The following ADK variants were observed in gnomAD, a reference collection of about 807,000 sequenced individuals.
ADK encodes the protein N6,N6-dimethyladenosine kinase.
ADK carries 24 observed loss-of-function variants against 44.7 expected under a neutral mutation model. That is an observed-to-expected ratio of 0.54 (90% CI 0.39 to 0.76). The LOEUF is 0.76. ADK is among the 30% of genes least tolerant of loss of function. The pLI is 0.00. For synonymous variants in ADK, 128 were observed against 142.6 expected, an observed-to-expected ratio of 0.90 and a Z score of 0.73; for missense variants, 321 against 425.1, an observed-to-expected ratio of 0.76 and a Z score of 2.15.
chr10:74,380,901 G>A (rs568660311), intron 4 of ADK, among the ~76,000 whole-genome samples: 102 of 152,110 alleles, frequency 6.7e-4, no homozygotes, highest in Middle Eastern at 3.4e-3. Flanking sequence ...AAGTTGTCCC[G>A]CACCCTCACC....
chr10:74,190,405 GAGTATGCCCATA>G (rs1842920195), intron 1 of ADK, among the ~76,000 whole-genome samples: 1 of 152,176 alleles, frequency 6.6e-6, no homozygotes, highest in Non-Finnish European at 1.5e-5. Flanking sequence ...GGTCTTTCTT[GAGTATGCCCATA>G]GGCCTGGGCA....
intron 6 of ADK, among the ~76,000 whole-genome samples, chr10:74,476,748 T>C (rs891716003): frequency 1.4e-4 from 21 of 152,204 alleles, no homozygotes; most frequent in African/African-American, 4.8e-4. Flanking sequence ...TATTTTTAAA[T>C]TAGTATTTGC....
intron 1 of ADK, among the ~76,000 whole-genome samples, chr10:74,184,938 G>A: frequency 6.6e-6 from 1 of 152,244 alleles, no homozygotes; most frequent in Middle Eastern, 3.4e-3. Flanking sequence ...GTGTACAAAT[G>A]TATATTAAAT....
intron 6 of ADK, among the ~76,000 whole-genome samples, chr10:74,512,925 T>C (rs1848402936): frequency 6.6e-6 from 1 of 152,110 alleles, no homozygotes; most frequent in Admixed American, 6.5e-5. Context: ...AATACTGTTT[T>C]TGCTGTGTCC....
intron 7 of ADK, among the ~76,000 whole-genome samples, chr10:74,567,736 T>C (rs1850734995): frequency 6.7e-6 from 1 of 148,154 alleles, no homozygotes; most frequent in South Asian, 2.2e-4. Flanking sequence ...TCTCGCTCTG[T>C]CGCCCAGGCT....
chr10:74,263,472 A>C (rs925727653), intron 3 of ADK, among the ~76,000 whole-genome samples: 1 of 152,202 alleles, frequency 6.6e-6, no homozygotes, highest in Non-Finnish European at 1.5e-5. Flanking sequence ...CTTTATGTAG[A>C]ACAAACTAGC....
At chr10:74,466,824 A>G (rs988336832) in intron 6 of ADK, among the ~76,000 whole-genome samples, 6 of 152,160 alleles carry the variant, frequency 3.9e-5, no homozygotes, top group African/African-American at 9.6e-5. Context: ...CTGAAATGTC[A>G]TGTCTTCCTT....
At chr10:74,293,383 G>A (rs1308565913) in intron 3 of ADK, among the ~76,000 whole-genome samples, 1 of 152,054 alleles carries the variant, frequency 6.6e-6, no homozygotes, top group African/African-American at 2.4e-5. Flanking sequence ...TCTAAGCTGA[G>A]TTGTTCAAAA....
chr10:74,447,930 T>G (rs1465155450), intron 6 of ADK, among the ~76,000 whole-genome samples: 3 of 152,126 alleles, frequency 2.0e-5, no homozygotes, highest in African/African-American at 7.2e-5. Flanking sequence ...TCCCAGCATT[T>G]TGGGAGGCTG....
At chr10:74,656,382 T>C (rs888850830) in intron 9 of ADK, among the ~76,000 whole-genome samples, 1 of 152,200 alleles carries the variant, frequency 6.6e-6, no homozygotes, top group Non-Finnish European at 1.5e-5. Flanking sequence ...GTTTTTGTAT[T>C]TATATTTTGT....
At chr10:74,488,266 C>G (rs1182320646) in intron 6 of ADK, among the ~76,000 whole-genome samples, 1 of 151,666 alleles carries the variant, frequency 6.6e-6, no homozygotes, top group Non-Finnish European at 1.5e-5. Flanking sequence ...AATACTACAT[C>G]ACTGCCACAT....
chr10:74,235,389 G>C (rs1022301829), intron 3 of ADK, among the ~76,000 whole-genome samples: 2 of 152,028 alleles, frequency 1.3e-5, no homozygotes, highest in Non-Finnish European at 2.9e-5. Flanking sequence ...GACTGGAGTT[G>C]AGTGGCATGA....
At chr10:74,361,123 C>G (rs994397307) in intron 4 of ADK, among the ~76,000 whole-genome samples, 4 of 152,176 alleles carry the variant, frequency 2.6e-5, no homozygotes, top group African/African-American at 4.8e-5. Flanking sequence ...CCAGGCTGGT[C>G]TCAAACTCCG....
At chr10:74,528,021 T>G in intron 7 of ADK, 1 of 853,058 alleles carries the variant, frequency 1.2e-6, no homozygotes, top group Non-Finnish European at 2.0e-6. Context: ...TGAGGGAATT[T>G]GTATTCGGCA....
intron 4 of ADK, among the ~76,000 whole-genome samples, chr10:74,340,274 T>A (rs182343074): frequency 1.8e-4 from 27 of 152,274 alleles, no homozygotes; most frequent in African/African-American, 6.5e-4. Context: ...TCTAAAGTAC[T>A]GTGTTTATTG....
chr10:74,419,659 G>A (rs925363094), intron 6 of ADK, among the ~76,000 whole-genome samples: 2 of 152,068 alleles, frequency 1.3e-5, no homozygotes, highest in Admixed American at 6.6e-5. Context: ...ATCTATTTTT[G>A]CTACCCTTGG....
At chr10:74,266,232 A>G (rs1243826150) in intron 3 of ADK, among the ~76,000 whole-genome samples, 1 of 152,186 alleles carries the variant, frequency 6.6e-6, no homozygotes, top group African/African-American at 2.4e-5. Flanking sequence ...GCTTATTTGA[A>G]GTCTCTGGAG....
chr10:74,208,562 T>TG (rs1303193629), intron 2 of ADK, among the ~76,000 whole-genome samples: 1 of 152,204 alleles, frequency 6.6e-6, no homozygotes, highest in Non-Finnish European at 1.5e-5. Flanking sequence ...AACAAGTCTT[T>TG]GGACCCTAAC....
At chr10:74,352,712 TAAAC>T (rs1486103261) in intron 4 of ADK, among the ~76,000 whole-genome samples, 1 of 152,096 alleles carries the variant, frequency 6.6e-6, no homozygotes, top group Non-Finnish European at 1.5e-5. Flanking sequence ...TACAGGAACT[TAAAC>T]AAATTTGCAA....
Sources: gnomAD v4.1 joint callset for allele counts (sites outside exome capture counted in the v4.1 genomes callset) on GRCh38, gnomAD v4.1.1 for gene constraint, MANE v1.5 for transcripts, NCBI Gene and HGNC (gene_info 2026-07-23, HGNC 2026-07-21) for gene names.